IL26: variants seen among roughly 807,000 people sequenced by gnomAD.
The protein encoded by IL26 is interleukin 26, also known as interleukin-26.
In IL26, 23 loss-of-function variants were observed where a neutral mutation model predicts 21.7. The ratio of observed to expected loss-of-function variants is 1.06; its 90% CI spans 0.76 to 1.50. The LOEUF is 1.50. Ranked by LOEUF, IL26 falls within the 40% of genes most tolerant of loss-of-function variation. The pLI, the probability that IL26 is intolerant of heterozygous loss-of-function variation, is 0.00. For synonymous variants in IL26, 63 were observed against 67.8 expected (o/e 0.93, Z 0.34); for missense variants, 204 against 196.0 (o/e 1.04, Z -0.24).
chr12:68,210,241 T>A (rs547019498), intron 3 of IL26, among the ~76,000 whole-genome samples: 1 of 150,736 alleles, frequency 6.6e-6, no homozygotes, highest in East Asian at 2.0e-4. Context: ...CATGGGGTCC[T>A]ACAAATATTA....
chr12:68,225,415 G>C, intron 2 of IL26, 29 bp downstream of exon 2: 1 of 1,542,902 alleles, frequency 6.5e-7, no homozygotes, highest in Non-Finnish European at 8.9e-7. Context: ...AAGTGGAAAT[G>C]TAAAAAAGAA....
Position 68,201,561 on chromosome 12 carries a change from T to A in IL26, c.*284A>T. The A allele has an allele frequency of 3.8e-6, 1 of 263,860 alleles. No homozygotes were observed. Among genetic ancestry groups the A allele is most frequent in the African/African-American group, 2.2e-5 (1 of 44,772 alleles). 16.3% of individuals were successfully genotyped at this position (263,860 alleles called of 1,614,324 possible). On this transcript the variant is annotated 3_prime_UTR_variant, in exon 5 of 5. Coordinates refer to ENST00000229134, the MANE Select transcript of IL26 (RefSeq NM_018402.2). Reference sequence around the variant, plus strand: ...CACACACAAATATTACACGAGTTAATTCAGGTTACATACTTTAAATTAAGT... The same window carrying A: ...CACACACAAATATTACACGAGTTAAATCAGGTTACATACTTTAAATTAAGT...
At chr12:68,215,745 G>T (rs936554445) in intron 3 of IL26, among the ~76,000 whole-genome samples, 6 of 152,050 alleles carry the variant, frequency 3.9e-5, no homozygotes, top group Non-Finnish European at 8.8e-5. Flanking sequence ...TTGACGCATT[G>T]CAATCTCAGC....
At position 68,201,998 on chromosome 12, in the gene IL26, T is replaced by C. The variant is rs749867315; in HGVS notation, c.429+20A>G. 11 of 1,548,852 alleles carry C rather than the reference T, an allele frequency of 7.1e-6. No individual in the cohort carries two copies. The South Asian group carries it at 1.3e-4, about 19-fold the overall frequency. Reference sequence around the variant, plus strand: ...TTTTAAAAAACAAAGTTTTTTAATATAAGGATTTAGAATTCTTACCCTATA... The same window carrying C: ...TTTTAAAAAACAAAGTTTTTTAATACAAGGATTTAGAATTCTTACCCTATA... On this transcript the variant is annotated intron_variant, in intron 4 of 4. Transcript: ENST00000229134.
intron 3 of IL26, 124 bp downstream of exon 3, chr12:68,225,025 G>T: frequency 2.3e-6 from 2 of 870,316 alleles, no homozygotes; most frequent in Non-Finnish European, 3.5e-6. Flanking sequence ...CTCTCCATTT[G>T]GACTACAAGC....
At chr12:68,203,228 A>G (rs543239471) in intron 3 of IL26, among the ~76,000 whole-genome samples, 17 of 152,358 alleles carry the variant, frequency 1.1e-4, no homozygotes, top group African/African-American at 3.6e-4. Context: ...ATCTGAGCAC[A>G]GGAATCACCT....
chr12:68,217,598 G>T (rs1465432538), intron 3 of IL26, among the ~76,000 whole-genome samples: 1 of 152,052 alleles, frequency 6.6e-6, no homozygotes, highest in Non-Finnish European at 1.5e-5. Context: ...AGATAAAATA[G>T]AATTTAAAAA....
intron 3 of IL26, among the ~76,000 whole-genome samples, chr12:68,220,349 A>T (rs1869011110): frequency 6.6e-6 from 1 of 152,182 alleles, no homozygotes; most frequent in African/African-American, 2.4e-5. Flanking sequence ...ATAATATATT[A>T]TTGCCAAGTA....
intron 3 of IL26, among the ~76,000 whole-genome samples, chr12:68,218,381 A>T (rs1359379020): frequency 1.3e-5 from 2 of 152,122 alleles, no homozygotes; most frequent in East Asian, 3.8e-4. Context: ...AGAGCAATGG[A>T]AAATATTAAA....
At chr12:68,206,938 A>C (rs1868560150) in intron 3 of IL26, among the ~76,000 whole-genome samples, 1 of 152,168 alleles carries the variant, frequency 6.6e-6, no homozygotes, top group Non-Finnish European at 1.5e-5. Context: ...CCATCCTTTG[A>C]GGGCATTAAA....
intron 3 of IL26, among the ~76,000 whole-genome samples, chr12:68,215,868 G>A (rs191479501): frequency 6.6e-6 from 1 of 151,486 alleles, no homozygotes; most frequent in Non-Finnish European, 1.5e-5. Context: ...GTTTTTAGTA[G>A]AGACAGGGTT....
At chr12:68,224,044 C>A (rs1284169101) in intron 3 of IL26, among the ~76,000 whole-genome samples, 2 of 150,934 alleles carry the variant, frequency 1.3e-5, no homozygotes, top group Non-Finnish European at 2.9e-5. Context: ...TAAACACCCC[C>A]CCCCTCTAAT....
At chr12:68,224,523 A>AT (rs1028928295) in intron 3 of IL26, among the ~76,000 whole-genome samples, 3 of 151,944 alleles carry the variant, frequency 2.0e-5, no homozygotes, top group Non-Finnish European at 2.9e-5. Flanking sequence ...GGGCACAAAT[A>AT]TTTTTTTAAA....
At chr12:68,217,412 A>G (rs1027652422) in intron 3 of IL26, among the ~76,000 whole-genome samples, 1 of 152,210 alleles carries the variant, frequency 6.6e-6, no homozygotes, top group Non-Finnish European at 1.5e-5. Flanking sequence ...AACAAAATTA[A>G]TAATTCATTG....
intron 3 of IL26, among the ~76,000 whole-genome samples, chr12:68,210,648 ACAT>A (rs1868699601): frequency 6.6e-6 from 1 of 152,156 alleles, no homozygotes; most frequent in South Asian, 2.1e-4. Flanking sequence ...AGTTTACAAA[ACAT>A]CATTATCCAA....
In IL26 at chr12:68,201,779, A is replaced by G; in HGVS notation, c.*66T>C. The G allele has an allele frequency of 1.8e-6, 2 of 1,122,722 alleles. No individual in the cohort carries two copies. The highest frequency in any genetic ancestry group is 1.3e-6 in the Non-Finnish European group (1 of 775,692). The allele number at this position is 1,122,722 out of a possible 1,614,324, so 69.5% of individuals were successfully genotyped here. A position where few individuals can be genotyped will look rare whatever the true frequency, so the allele number is the denominator to read the frequency against. Reference sequence around the variant, plus strand: ...TTTTTAAAAGAAATAGACTGTTATAAACATATTTCTAGCAGTTCTTATTGT... The same window carrying G: ...TTTTTAAAAGAAATAGACTGTTATAGACATATTTCTAGCAGTTCTTATTGT... On this transcript the variant is annotated 3_prime_UTR_variant, in exon 5 of 5. Coordinates refer to ENST00000229134, the MANE Select transcript of IL26 (RefSeq NM_018402.2).
At chr12:68,205,160 T>C (rs1456815814) in intron 3 of IL26, among the ~76,000 whole-genome samples, 3 of 152,156 alleles carry the variant, frequency 2.0e-5, no homozygotes, top group Admixed American at 1.3e-4. Flanking sequence ...ATTAAGTCAA[T>C]ATATATTTAT....
chr12:68,223,182 C>T (rs1345889296), intron 3 of IL26, among the ~76,000 whole-genome samples: 2 of 152,168 alleles, frequency 1.3e-5, no homozygotes, highest in African/African-American at 4.8e-5. Context: ...TACCCCAGGG[C>T]ATAAACTGCA....
intron 3 of IL26, among the ~76,000 whole-genome samples, chr12:68,204,045 G>A (rs185776607): frequency 2.9e-4 from 44 of 152,018 alleles, no homozygotes; most frequent in Admixed American, 2.7e-3. Flanking sequence ...GTGCATCTGT[G>A]AATGCTCAGT....
Sources: allele counts gnomAD v4.1 joint callset (sites outside exome capture counted in the v4.1 genomes callset), GRCh38; gene constraint gnomAD v4.1.1; transcripts MANE v1.5; gene names NCBI Gene and HGNC (gene_info 2026-07-23, HGNC 2026-07-21).